Variants in CDK6 observed in about 807,000 individuals in gnomAD.
CDK6 encodes cyclin dependent kinase 6, also known as cyclin-dependent kinase 6.
A neutral mutation model predicts 37.1 loss-of-function variants in CDK6; 6 were observed. That is an observed-to-expected ratio of 0.16 (90% CI 0.09 to 0.32). The LOEUF (loss-of-function observed/expected upper bound fraction) is 0.32. Ranked by LOEUF, CDK6 falls within the 10% of genes least tolerant of loss-of-function variation. The pLI, the probability that CDK6 is intolerant of heterozygous loss-of-function variation, is 1.00. For missense variants in CDK6, 224 were observed against 418.9 expected, an observed-to-expected ratio of 0.53 and a Z score of 4.06; for synonymous variants, 160 against 161.3, an observed-to-expected ratio of 0.99 and a Z score of 0.06.
At chr7:92,650,245 C>G (rs1194776619) in intron 5 of CDK6, among the ~76,000 whole-genome samples, 1 of 152,168 alleles carries the variant, frequency 6.6e-6, no homozygotes, top group Admixed American at 6.5e-5. Flanking sequence ...CCCCTAAAAC[C>G]CCAATCCTTT....
intron 4 of CDK6, among the ~76,000 whole-genome samples, chr7:92,711,479 T>C (rs191600850): frequency 5.6e-4 from 85 of 151,766 alleles, no homozygotes; most frequent in Middle Eastern, 3.4e-3. Context: ...CTGTTAATAG[T>C]GGCTTTTTTT....
chr7:92,760,279 T>A (rs1311368810), intron 3 of CDK6, among the ~76,000 whole-genome samples: 3 of 152,190 alleles, frequency 2.0e-5, no homozygotes, highest in South Asian at 2.1e-4. Flanking sequence ...TAAATCTCAT[T>A]AGAAAACTTA....
chr7:92,608,556 AAAAC>A lies in CDK6; in HGVS notation c.*6580_*6583del. 1 of 232,184 alleles carries A rather than the reference AAAAC, an allele frequency of 4.3e-6. No individual in the cohort carries two copies. The highest frequency in any genetic ancestry group is 8.5e-6 in the Non-Finnish European group (1 of 117,306). The allele number at this position is 232,184 out of a possible 1,614,324, so 14.4% of individuals were successfully genotyped here. A position where few individuals can be genotyped will look rare whatever the true frequency, so the allele number is the denominator to read the frequency against. The stretch of plus-strand genomic sequence containing the variant: ...TATACATCTTTTCTTTAAAAAAACA[AAAAC>A]AAAAACAAAAACTGAGCTTAGCGCC... On this transcript the variant is annotated 3_prime_UTR_variant, in exon 8 of 8. Transcript: ENST00000424848.
chr7:92,809,786 A>G (rs1004036896), intron 2 of CDK6, among the ~76,000 whole-genome samples: 3 of 152,252 alleles, frequency 2.0e-5, no homozygotes, highest in Admixed American at 1.3e-4. Flanking sequence ...TTTGATGATG[A>G]AGAAACCAAA....
At chr7:92,670,743 G>A (rs1490217994) in intron 5 of CDK6, among the ~76,000 whole-genome samples, 2 of 152,184 alleles carry the variant, frequency 1.3e-5, no homozygotes, top group South Asian at 4.1e-4. Context: ...CCAATGTGTG[G>A]AGGTCCAGCC....
chr7:92,770,097 A>G (rs762649951), intron 3 of CDK6, among the ~76,000 whole-genome samples: 4 of 152,184 alleles, frequency 2.6e-5, no homozygotes, highest in Admixed American at 6.5e-5. Flanking sequence ...AGACCCAAAG[A>G]TAATATCCTG....
At chr7:92,668,863 T>C (rs1384743262) in intron 5 of CDK6, among the ~76,000 whole-genome samples, 1 of 152,182 alleles carries the variant, frequency 6.6e-6, no homozygotes, top group Admixed American at 6.5e-5. Flanking sequence ...TTGGCCTTGA[T>C]TCACTCTCCT....
chr7:92,824,639 T>C (rs2115996080), intron 2 of CDK6, among the ~76,000 whole-genome samples: 1 of 152,268 alleles, frequency 6.6e-6, no homozygotes, highest in African/African-American at 2.4e-5. Flanking sequence ...GCTCCATTCA[T>C]ACTTTCACAA....
At chr7:92,624,297 GA>G (rs2116497445) in intron 5 of CDK6, among the ~76,000 whole-genome samples, 1 of 152,250 alleles carries the variant, frequency 6.6e-6, no homozygotes, top group Non-Finnish European at 1.5e-5. Context: ...TGTATTTGGA[GA>G]TAGAGCCTTT....
intron 2 of CDK6, 49 bp from the exon 3 acceptor site, chr7:92,774,880 T>C (rs757304981): frequency 6.4e-7 from 1 of 1,572,796 alleles, no homozygotes; most frequent in South Asian, 1.2e-5. Flanking sequence ...AGCAAAGAAG[T>C]AACCTGTATG....
At chr7:92,712,752 A>G (rs1227805763) in intron 4 of CDK6, among the ~76,000 whole-genome samples, 1 of 152,216 alleles carries the variant, frequency 6.6e-6, no homozygotes, top group African/African-American at 2.4e-5. Flanking sequence ...CATTTTTAAC[A>G]TCTACTTGCC....
intron 5 of CDK6, among the ~76,000 whole-genome samples, chr7:92,656,140 C>T (rs1287064233): frequency 6.6e-6 from 1 of 151,284 alleles, no homozygotes; most frequent in Non-Finnish European, 1.5e-5. Context: ...AGAACAGGAG[C>T]GTGGAGGGAG....
At chr7:92,672,846 T>C (rs893382753) in intron 4 of CDK6, among the ~76,000 whole-genome samples, 1 of 152,236 alleles carries the variant, frequency 6.6e-6, no homozygotes, top group Admixed American at 6.5e-5. Context: ...GTGCTAAGAT[T>C]GCAGTAGCAA....
At chr7:92,829,176 T>C (rs1801412361) in intron 2 of CDK6, among the ~76,000 whole-genome samples, 1 of 152,208 alleles carries the variant, frequency 6.6e-6, no homozygotes, top group Admixed American at 6.5e-5. Context: ...TGCAATATAT[T>C]ACTAAGATCT....
chr7:92,759,513 T>A (rs770860396), intron 3 of CDK6, among the ~76,000 whole-genome samples: 16 of 151,988 alleles, frequency 1.1e-4, no homozygotes, highest in South Asian at 6.2e-4. Flanking sequence ...TTATTTTTTT[T>A]AAAAAATGTG....
intron 4 of CDK6, among the ~76,000 whole-genome samples, chr7:92,673,530 A>T (rs1400632411): frequency 6.6e-6 from 1 of 152,164 alleles, no homozygotes; most frequent in African/African-American, 2.4e-5. Flanking sequence ...TGGCCCCAAC[A>T]TATCTTTCTA....
intron 4 of CDK6, among the ~76,000 whole-genome samples, chr7:92,713,790 C>G (rs1237145104): frequency 6.6e-6 from 1 of 151,412 alleles, no homozygotes; most frequent in Non-Finnish European, 1.5e-5. Context: ...TCCAGAATAT[C>G]TTCTAAATAT....
At chr7:92,745,371 C>T (rs1363584626) in intron 3 of CDK6, among the ~76,000 whole-genome samples, 2 of 152,210 alleles carry the variant, frequency 1.3e-5, no homozygotes, top group Non-Finnish European at 2.9e-5. Flanking sequence ...ATTTTGTCTT[C>T]TGTCCCATGA....
At chr7:92,731,940 C>T (rs2115585142) in intron 3 of CDK6, among the ~76,000 whole-genome samples, 1 of 152,248 alleles carries the variant, frequency 6.6e-6, no homozygotes, top group East Asian at 1.9e-4. Context: ...AACATAATTT[C>T]TTCAGAGCAG....
Sources: gnomAD v4.1 joint callset for allele counts (sites outside exome capture counted in the v4.1 genomes callset) on GRCh38, gnomAD v4.1.1 for gene constraint, MANE v1.5 for transcripts, NCBI Gene and HGNC (gene_info 2026-07-23, HGNC 2026-07-21) for gene names.